SV2C: variants seen among roughly 807,000 people sequenced by gnomAD.
SV2C encodes solute carrier family 22 member B3.
Under a neutral mutation model 79.7 loss-of-function variants are expected in SV2C, and 49 were observed. That is an observed-to-expected ratio of 0.61 (90% CI 0.49 to 0.78). The LOEUF (loss-of-function observed/expected upper bound fraction) is 0.78, where lower values mean the gene tolerates loss of function less well. Ranked by LOEUF, SV2C falls within the 30% of genes least tolerant of loss-of-function variation. The pLI is 0.00. For synonymous variants in SV2C, 334 were observed against 333.2 expected, an observed-to-expected ratio of 1.00 and a Z score of -0.03; for missense variants, 833 against 912.9, an observed-to-expected ratio of 0.91 and a Z score of 1.13.
At chr5:76,250,149 T>C (rs1045265435) in intron 4 of SV2C, among the ~76,000 whole-genome samples, 3 of 152,298 alleles carry the variant, frequency 2.0e-5, no homozygotes, top group South Asian at 4.1e-4. Flanking sequence ...GCTCCATCTT[T>C]GCCTCACTCT....
chr5:76,262,786 G>T (rs1034117505), intron 4 of SV2C, among the ~76,000 whole-genome samples: 2 of 152,192 alleles, frequency 1.3e-5, no homozygotes, highest in Admixed American at 6.5e-5. Flanking sequence ...TTGCACTGTG[G>T]TCTGAGAGAC....
chr5:76,149,337 A>G (rs1749530304), intron 2 of SV2C, among the ~76,000 whole-genome samples: 1 of 152,142 alleles, frequency 6.6e-6, no homozygotes, highest in Non-Finnish European at 1.5e-5. Flanking sequence ...CCCAGACATC[A>G]TGCAGATGCA....
chr5:76,050,855 A>G, the SV2C span, among the ~76,000 whole-genome samples: 1 of 152,222 alleles, frequency 6.6e-6, no homozygotes, highest in Non-Finnish European at 1.5e-5. Flanking sequence ...CTTCCTGTTT[A>G]TCAAATATAG....
the SV2C span, among the ~76,000 whole-genome samples, chr5:76,060,793 C>T: frequency 6.6e-6 from 1 of 152,062 alleles, no homozygotes; most frequent in South Asian, 2.1e-4. Context: ...TGCAAGAGGC[C>T]TAGCTTTTAG....
chr5:75,996,310 T>C, the SV2C span, among the ~76,000 whole-genome samples: 53,901 of 152,000 alleles, frequency 0.35, 10,433 homozygotes, highest in East Asian at 0.62. Flanking sequence ...TGCAGCATTA[T>C]TTCTGAGGGC....
At chr5:76,073,501 G>GTA in the SV2C span, among the ~76,000 whole-genome samples, 88 of 87,210 alleles carry the variant, frequency 1.0e-3, no homozygotes, top group African/African-American at 2.0e-3. Context: ...ATGTATGTGT[G>GTA]TGTATATATA....
the SV2C span, among the ~76,000 whole-genome samples, chr5:75,977,228 AG>A: frequency 6.6e-6 from 1 of 152,196 alleles, no homozygotes; most frequent in East Asian, 1.9e-4. Context: ...AGATACCTGT[AG>A]TCAGGCTGAA....
At chr5:76,058,579 G>A in the SV2C span, among the ~76,000 whole-genome samples, 292 of 152,210 alleles carry the variant, frequency 1.9e-3, 2 homozygotes, top group African/African-American at 6.6e-3. Flanking sequence ...TTAGAATAGA[G>A]ACATAGATTA....
intron 12 of SV2C, among the ~76,000 whole-genome samples, chr5:76,350,919 C>T (rs548599857): frequency 6.6e-6 from 1 of 151,606 alleles, no homozygotes; most frequent in African/African-American, 2.4e-5. Flanking sequence ...GAGGCTGAGG[C>T]ATGAGAATCG....
chr5:76,202,556 C>T (rs765207335), intron 3 of SV2C, among the ~76,000 whole-genome samples: 2 of 152,148 alleles, frequency 1.3e-5, no homozygotes, highest in Non-Finnish European at 2.9e-5. Context: ...TGTGCTCATA[C>T]GTGTTTGAAC....
chr5:76,057,266 A>G, the SV2C span, among the ~76,000 whole-genome samples: 1 of 152,222 alleles, frequency 6.6e-6, no homozygotes, highest in South Asian at 2.1e-4. Flanking sequence ...TTCAGGGTAC[A>G]TGTGCACAAC....
the SV2C span, among the ~76,000 whole-genome samples, chr5:75,918,756 AAGCAGAAGTC>A: frequency 2.6e-5 from 4 of 152,160 alleles, no homozygotes; most frequent in African/African-American, 9.7e-5. Context: ...TCCCAAGTGG[AAGCAGAAGTC>A]AGATAACAAG....
chr5:76,226,968 CAGAG>C (rs1745267103), intron 4 of SV2C, among the ~76,000 whole-genome samples: 1 of 151,942 alleles, frequency 6.6e-6, no homozygotes, highest in Non-Finnish European at 1.5e-5. Flanking sequence ...TTCCAGGGAC[CAGAG>C]AGAGAAAGAG....
At chr5:76,067,090 C>T in the SV2C span, among the ~76,000 whole-genome samples, 2 of 152,140 alleles carry the variant, frequency 1.3e-5, no homozygotes, top group South Asian at 2.1e-4. Flanking sequence ...TTAACTAATA[C>T]ATAATTTTCC....
At chr5:76,195,244 C>G (rs1744237999) in intron 3 of SV2C, 145 bp downstream of exon 3, 1 of 800,912 alleles carries the variant, frequency 1.2e-6, no homozygotes. Flanking sequence ...AATGCTGGTT[C>G]TTAGAAATAT....
rs779166705 is a variant in SV2C at position 76,325,494 on chromosome 5, G to A, written c.2131G>A (p.Gly711Arg). Residue 711 changes from glycine (G) to arginine (R), a missense_variant, in exon 13 of 13, where the codon GGA becomes AGA. By Grantham distance (125) the Gly-to-Arg change is moderately radical. Transcript: ENST00000502798. ...GCTGGCTTCTACTGTGCTCGTGTGT[G>A]GAGGACTCGTTGGGCTGTGCCTGCC... ...ILLASTVLVC[G>R]GLVGLCLPDT... 1.2e-6 allele frequency: 2 copies of A among 1,614,144 alleles called. No homozygotes were observed. Among genetic ancestry groups the A allele is most frequent in the Admixed American group, 1.7e-5 (1 of 60,026 alleles).
chr5:76,312,271 G>T (rs1014047332), intron 12 of SV2C, among the ~76,000 whole-genome samples: 2 of 151,514 alleles, frequency 1.3e-5, no homozygotes, highest in African/African-American at 2.4e-5. Context: ...TTTGGGGGGG[G>T]GGACAGGGTC....
At chr5:76,305,607 G>A (rs932504607) in intron 12 of SV2C, among the ~76,000 whole-genome samples, 5 of 151,992 alleles carry the variant, frequency 3.3e-5, no homozygotes, top group East Asian at 1.9e-4. Context: ...TTAATTTTGT[G>A]TCTTTTATAA....
intron 1 of SV2C, among the ~76,000 whole-genome samples, chr5:76,095,491 T>C (rs1313714940): frequency 6.6e-6 from 1 of 152,146 alleles, no homozygotes; most frequent in African/African-American, 2.4e-5. Context: ...CATTAGTTTG[T>C]TTTTATCTTG....
Sources: gnomAD v4.1 joint callset for allele counts (sites outside exome capture counted in the v4.1 genomes callset) on GRCh38, gnomAD v4.1.1 for gene constraint, MANE v1.5 for transcripts, NCBI Gene and HGNC (gene_info 2026-07-23, HGNC 2026-07-21) for gene names.